Variants in PRKN observed in about 807,000 individuals in gnomAD.
PRKN encodes the protein parkin RBR E3 ubiquitin protein ligase.
In PRKN, 56 loss-of-function variants were observed where a neutral mutation model predicts 59.5. That is an observed-to-expected ratio of 0.94 (90% CI 0.76 to 1.18). The LOEUF is 1.18. Ranked by LOEUF, PRKN falls within the 50% of genes most tolerant of loss-of-function variation. The probability of loss-of-function intolerance (pLI) is 0.00; values close to 1 mark genes in which losing one functional copy is unlikely to be tolerated. For synonymous variants in PRKN, 250 were observed against 222.1 expected (o/e 1.13, Z -1.12); for missense variants, 657 against 596.4 (o/e 1.10, Z -1.06).
intron 9 of PRKN, among the ~76,000 whole-genome samples, chr6:161,465,615 G>T (rs907639475): frequency 6.6e-6 from 1 of 152,008 alleles, no homozygotes; most frequent in Non-Finnish European, 1.5e-5. Flanking sequence ...CATACAATGA[G>T]GTTCCCTCTG....
chr6:161,937,351 G>C (rs1237461191), intron 6 of PRKN, among the ~76,000 whole-genome samples: 1 of 152,138 alleles, frequency 6.6e-6, no homozygotes, highest in African/African-American at 2.4e-5. Flanking sequence ...GAGAAACACT[G>C]ATATCAACTC....
At chr6:161,810,132 G>C (rs1409049690) in intron 6 of PRKN, among the ~76,000 whole-genome samples, 1 of 152,094 alleles carries the variant, frequency 6.6e-6, no homozygotes, top group Non-Finnish European at 1.5e-5. Flanking sequence ...GTTAAATGAG[G>C]TCAGATATGT....
At position 161,409,841 on chromosome 6, in the gene PRKN, C is replaced by A. The variant is rs1053238068; in HGVS notation, c.1084-22964G>T. On this transcript the variant is annotated intron_variant, in intron 9 of 11. Transcript: ENST00000366898. The surrounding 1 kb of genome is among the most constrained non-coding windows in gnomAD (Gnocchi z 4.6). ...CCAAGGTTCTCAGCATTCCTCAGATCAATAGAACTGTGATGTATCTATATA... is the reference window on the plus strand; with the variant it reads ...CCAAGGTTCTCAGCATTCCTCAGATAAATAGAACTGTGATGTATCTATATA... Among the ~76,000 whole-genome samples the A allele has an allele frequency of 3.3e-5, 5 of 152,158 alleles. No homozygotes were observed. The highest frequency in any genetic ancestry group is 1.2e-4 in the African/African-American group (5 of 41,432).
chr6:162,715,568 AATTTT>A (rs1470808605), intron 1 of PRKN, among the ~76,000 whole-genome samples: 6 of 152,154 alleles, frequency 3.9e-5, no homozygotes, highest in African/African-American at 1.2e-4. Flanking sequence ...GGCTACTGGC[AATTTT>A]ATTTTATATT....
chr6:162,468,155 T>TA (rs1791530178), intron 1 of PRKN, among the ~76,000 whole-genome samples: 1 of 152,174 alleles, frequency 6.6e-6, no homozygotes, highest in South Asian at 2.1e-4. Flanking sequence ...ACTAATAAAA[T>TA]ACGTGGAACA....
In PRKN at chr6:161,447,039, ACTT is replaced by A. The variant is rs1789522389; in HGVS notation, c.1084-60165_1084-60163del. ...CTTTTCTGTTAGCTATGGGTAGGTG[ACTT>A]CTTAATGATCTTTAAGGAAAGAAGT... On this transcript the variant is annotated intron_variant, in intron 9 of 11. Coordinates refer to ENST00000366898, the MANE Select transcript of PRKN (RefSeq NM_004562.3). The surrounding 1 kb of genome is among the most constrained non-coding windows in gnomAD (Gnocchi z 4.1). Among the ~76,000 whole-genome samples the A allele has an allele frequency of 6.6e-6, 1 of 152,152 alleles. No homozygotes were observed. Among genetic ancestry groups the A allele is most frequent in the Non-Finnish European group, 1.5e-5 (1 of 68,034 alleles).
chr6:161,601,873 C>T (rs149677265), intron 7 of PRKN, among the ~76,000 whole-genome samples: 7 of 152,228 alleles, frequency 4.6e-5, no homozygotes, highest in South Asian at 2.1e-4. Context: ...TGAGCCACCG[C>T]GCCCGGCATA....
intron 1 of PRKN, among the ~76,000 whole-genome samples, chr6:162,647,097 C>G (rs1642152073): frequency 1.3e-5 from 2 of 152,236 alleles, no homozygotes; most frequent in East Asian, 3.9e-4. Flanking sequence ...CCCCTTCCCT[C>G]TGAGCCCTCT....
intron 6 of PRKN, among the ~76,000 whole-genome samples, chr6:161,936,714 A>T (rs1341118544): frequency 6.6e-6 from 1 of 152,144 alleles, no homozygotes; most frequent in Non-Finnish European, 1.5e-5. Context: ...CAAATATGCA[A>T]GTTTCAATGA....
intron 1 of PRKN, among the ~76,000 whole-genome samples, chr6:162,510,221 C>A (rs536704948): frequency 6.6e-6 from 1 of 152,142 alleles, no homozygotes; most frequent in Non-Finnish European, 1.5e-5. Context: ...CCAGAGTGGT[C>A]CAAAGCAGTT....
chr6:161,479,190 C>T (rs16892585), intron 9 of PRKN, among the ~76,000 whole-genome samples: 2,108 of 152,218 alleles, frequency 0.014, 51 homozygotes, highest in African/African-American at 0.048. Context: ...GATTACTTCG[C>T]ACAATGATGA....
In PRKN at chr6:161,872,119, T is replaced by C. The variant is rs1407455987; in HGVS notation, c.735-86211A>G. 2.0e-5 allele frequency among the ~76,000 whole-genome samples: 3 copies of C among 151,982 alleles called. 1 individual carries two copies. Among genetic ancestry groups the C allele is most frequent in the South Asian group, 4.2e-4 (2 of 4,816 alleles). On this transcript the variant is annotated intron_variant, in intron 6 of 11. Transcript: ENST00000366898. Reference sequence around the variant, plus strand: ...GCTTACATTCTAGTGGGAGAGAGAATAAATAGACAAACAAGTGCGATAAGA... The same window carrying C: ...GCTTACATTCTAGTGGGAGAGAGAACAAATAGACAAACAAGTGCGATAAGA...
In PRKN at chr6:161,357,694, T is replaced by C. The variant is rs1295978395; in HGVS notation, c.1285+2394A>G. Among the ~76,000 whole-genome samples the C allele has an allele frequency of 6.6e-6, 1 of 152,276 alleles. No individual in the cohort carries two copies. The highest frequency in any genetic ancestry group is 1.5e-5 in the Non-Finnish European group (1 of 68,054). Reference sequence around the variant, plus strand: ...GTTTCCAGTCTTTTTCTTCTGATTCTATTTTTTCCCACACACACATTTGTT... The same window carrying C: ...GTTTCCAGTCTTTTTCTTCTGATTCCATTTTTTCCCACACACACATTTGTT... On this transcript the variant is annotated intron_variant, in intron 11 of 11. Transcript: ENST00000366898. This position sits in a 1 kb window ranked among gnomAD's most constrained non-coding sequence, Gnocchi z 5.5.
intron 6 of PRKN, among the ~76,000 whole-genome samples, chr6:161,793,020 C>T (rs368557119): frequency 6.6e-6 from 1 of 152,134 alleles, no homozygotes; most frequent in Non-Finnish European, 1.5e-5. Flanking sequence ...ACCGGCACAG[C>T]GCCTGCCCAC....
rs1254044853 is a variant in PRKN, at chr6:162,442,045, ACTTC to A, written c.171+1261_171+1264del. Reference sequence around the variant, plus strand: ...AATCAAAACCCTTTTTAGCACATGCACTTCCCTTATAAAACCAAATTGCCTGAAA... The same window carrying A: ...AATCAAAACCCTTTTTAGCACATGCACCTTATAAAACCAAATTGCCTGAAA... On this transcript the variant is annotated intron_variant, in intron 2 of 11. Transcript: ENST00000366898. Among the ~76,000 whole-genome samples the A allele has an allele frequency of 8.8e-3, 1,342 of 152,220 alleles. 24 individuals are homozygous for A. The highest frequency in any genetic ancestry group is 0.03 in the African/African-American group (1,265 of 41,528).
chr6:162,526,836 CA>C (rs1778308311), intron 1 of PRKN, among the ~76,000 whole-genome samples: 1 of 152,110 alleles, frequency 6.6e-6, no homozygotes, highest in Non-Finnish European at 1.5e-5. Flanking sequence ...AAAAGTCTAT[CA>C]AAGTGTACCT....
At position 161,526,376 on chromosome 6, in the gene PRKN, C is replaced by T. The variant is rs1318573286; in HGVS notation, c.1083+22478G>A. Among the ~76,000 whole-genome samples the T allele has an allele frequency of 6.6e-6, 1 of 152,158 alleles. No individual in the cohort carries two copies. Among genetic ancestry groups the T allele is most frequent in the African/African-American group, 2.4e-5 (1 of 41,448 alleles). On this transcript the variant is annotated intron_variant, in intron 9 of 11. Coordinates refer to ENST00000366898, the MANE Select transcript of PRKN (RefSeq NM_004562.3). The surrounding 1 kb of genome is among the most constrained non-coding windows in gnomAD (Gnocchi z 4.1). ...TTGAGTATTGAATAATTGCTTCTTG[C>T]TTACTTTGAAAAGTACCTAAGCTAC...
chr6:161,752,497 C>T (rs893264678), intron 7 of PRKN, among the ~76,000 whole-genome samples: 32 of 152,022 alleles, frequency 2.1e-4, no homozygotes, highest in African/African-American at 6.3e-4. Context: ...AGTTCAAGAC[C>T]AGCTGAGGCA....
intron 2 of PRKN, among the ~76,000 whole-genome samples, chr6:162,422,476 T>C (rs1205800946): frequency 1.3e-5 from 2 of 152,170 alleles, no homozygotes; most frequent in African/African-American, 4.8e-5. Flanking sequence ...CATGTAGAGC[T>C]CTCACAGGGC....
Sources: gnomAD v4.1 joint callset for allele counts (sites outside exome capture counted in the v4.1 genomes callset) on GRCh38, gnomAD v4.1.1 for gene constraint, Gnocchi (gnomAD v3.1) non-coding constraint, MANE v1.5 for transcripts, NCBI Gene and HGNC (gene_info 2026-07-23, HGNC 2026-07-21) for gene names.